The following FAM135A variants were observed in gnomAD, a reference collection of about 807,000 sequenced individuals.
FAM135A encodes family with sequence similarity 135 member A.
A neutral mutation model predicts 146.8 loss-of-function variants in FAM135A; 79 were observed. That is an observed-to-expected ratio of 0.54 (90% confidence interval 0.45 to 0.65). The LOEUF (loss-of-function observed/expected upper bound fraction) is 0.65. Among genes scored for constraint, FAM135A ranks in the 30% least tolerant of loss-of-function variants. The probability of loss-of-function intolerance (pLI) is 0.00; values close to 1 mark genes in which losing one functional copy is unlikely to be tolerated. For missense variants in FAM135A, 1,623 were observed against 1,758.2 expected (o/e 0.92, Z 1.38); for synonymous variants, 562 against 603.6 (o/e 0.93, Z 1.01).
chr6:70,511,831 G>C (rs924990237), intron 12 of FAM135A, among the ~76,000 whole-genome samples: 1 of 151,758 alleles, frequency 6.6e-6, no homozygotes, highest in Non-Finnish European at 1.5e-5. Flanking sequence ...TTACTCCTAC[G>C]CTACAAACCT....
At chr6:70,557,182 G>C in intron 21 of FAM135A, 1 of 408,446 alleles carries the variant, frequency 2.4e-6, no homozygotes, top group East Asian at 3.5e-5. Context: ...GCTGTACCTC[G>C]CTTTTACGCA....
At chr6:70,454,819 G>T (rs558495575) in intron 5 of FAM135A, among the ~76,000 whole-genome samples, 16 of 152,144 alleles carry the variant, frequency 1.1e-4, no homozygotes, top group African/African-American at 3.4e-4. Flanking sequence ...ACCATGCTGT[G>T]TTGGTTACTG....
At chr6:70,442,273 G>A (rs59698166) in intron 4 of FAM135A, among the ~76,000 whole-genome samples, 26,022 of 134,868 alleles carry the variant, frequency 0.19, 2,447 homozygotes, top group Middle Eastern at 0.28. Flanking sequence ...GATATATCCC[G>A]TGAGGAATAG....
chr6:70,541,021 A>G (rs1032849754), intron 20 of FAM135A, among the ~76,000 whole-genome samples: 1 of 152,310 alleles, frequency 6.6e-6, no homozygotes, highest in African/African-American at 2.4e-5. Context: ...CTTTCTACCT[A>G]CCAACATTAA....
intron 5 of FAM135A, among the ~76,000 whole-genome samples, chr6:70,452,970 G>C (rs1352743370): frequency 6.6e-6 from 1 of 151,680 alleles, no homozygotes; most frequent in Non-Finnish European, 1.5e-5. Flanking sequence ...TTTTTTTCTG[G>C]ATTAGGTTCT....
intron 5 of FAM135A, among the ~76,000 whole-genome samples, chr6:70,471,531 C>T (rs1358618060): frequency 6.6e-6 from 1 of 151,726 alleles, no homozygotes; most frequent in African/African-American, 2.4e-5. Flanking sequence ...TGAATACATC[C>T]GGGGGAATGA....
At chr6:70,499,695 T>C (rs1788064128) in intron 11 of FAM135A, among the ~76,000 whole-genome samples, 1 of 152,190 alleles carries the variant, frequency 6.6e-6, no homozygotes. Flanking sequence ...CCCTCAGCAT[T>C]TCCTTGTCTG....
chr6:70,422,503 G>A (rs946507174), intron 2 of FAM135A, among the ~76,000 whole-genome samples: 1 of 152,136 alleles, frequency 6.6e-6, no homozygotes, highest in African/African-American at 2.4e-5. Context: ...GTACATGTAT[G>A]TTTCTATTTA....
rs539954406 is a variant in FAM135A at position 70,475,544 on chromosome 6, A to C, written c.292A>C (p.Arg98=). 104 of 1,590,762 alleles carry C rather than the reference A, an allele frequency of 6.5e-5. 1 individual carries two copies. In the South Asian group the frequency reaches 1.1e-3, roughly 17 times the overall value. The part of the protein sequence containing the change: ...IFKVKMLLDE[R]KIEETLEEMN... ...CAAAGTAAAAATGCTATTGGATGAA[A>C]GAAAGGTAAACATCTCTTCATATTT... Residue 98 remains arginine, a synonymous_variant, in exon 6 of 22, where the codon AGA becomes CGA. Coordinates refer to ENST00000418814, the MANE Select transcript of FAM135A (RefSeq NM_001162529.3).
chr6:70,452,135 T>C (rs1777234252), intron 4 of FAM135A, among the ~76,000 whole-genome samples: 1 of 152,064 alleles, frequency 6.6e-6, no homozygotes, highest in South Asian at 2.1e-4. Context: ...AATTACATTA[T>C]AAGTAATTAT....
At chr6:70,524,229 C>T in intron 14 of FAM135A, 108 bp downstream of exon 14, 3 of 1,391,148 alleles carry the variant, frequency 2.2e-6, no homozygotes, top group Non-Finnish European at 2.9e-6. Context: ...TTTTCCCTCT[C>T]TAGTTTTATT....
At chr6:70,532,630 C>T (rs1796032107) in intron 16 of FAM135A, among the ~76,000 whole-genome samples, 1 of 152,116 alleles carries the variant, frequency 6.6e-6, no homozygotes, top group African/African-American at 2.4e-5. Flanking sequence ...GCCACCAAAA[C>T]CACCTAAGAA....
intron 14 of FAM135A, 33 bp downstream of exon 14, chr6:70,524,154 T>C (rs758069694): frequency 6.4e-7 from 1 of 1,562,130 alleles, no homozygotes; most frequent in East Asian, 2.3e-5. Flanking sequence ...ATACAAGCTA[T>C]GTGTATAGTT....
At chr6:70,539,931 G>A (rs1797547422) in intron 20 of FAM135A, among the ~76,000 whole-genome samples, 1 of 152,206 alleles carries the variant, frequency 6.6e-6, no homozygotes, top group African/African-American at 2.4e-5. Context: ...GGGAGGCGGA[G>A]CTTGCAGTGA....
chr6:70,486,236 A>G, intron 10 of FAM135A: 4 of 1,613,678 alleles, frequency 2.5e-6, no homozygotes, highest in Non-Finnish European at 3.4e-6. Context: ...CAGAAAGACA[A>G]CCATCTAGGT....
chr6:70,440,139 A>T (rs1411422916), intron 4 of FAM135A, among the ~76,000 whole-genome samples: 2 of 152,214 alleles, frequency 1.3e-5, no homozygotes, highest in African/African-American at 4.8e-5. Flanking sequence ...TCCAAAATTT[A>T]AAATTGATGG....
chr6:70,529,658 T>C (rs1316332570), intron 16 of FAM135A, among the ~76,000 whole-genome samples: 1 of 152,096 alleles, frequency 6.6e-6, no homozygotes, highest in Non-Finnish European at 1.5e-5. Flanking sequence ...GAGAAAAAGA[T>C]AGAAAGCAGC....
At chr6:70,446,489 G>C (rs112765673) in intron 4 of FAM135A, among the ~76,000 whole-genome samples, 1 of 152,094 alleles carries the variant, frequency 6.6e-6, no homozygotes, top group Non-Finnish European at 1.5e-5. Context: ...TCATTGTGCA[G>C]CACCTCTGCC....
intron 10 of FAM135A, 146 bp from the exon 11 acceptor site, chr6:70,490,888 A>T: frequency 4.4e-6 from 2 of 458,668 alleles, no homozygotes; most frequent in Non-Finnish European, 7.4e-6. Flanking sequence ...TGTAATTAAT[A>T]TGTTTATGAA....
Sources: gnomAD v4.1 joint callset for allele counts (sites outside exome capture counted in the v4.1 genomes callset) on GRCh38, gnomAD v4.1.1 for gene constraint, MANE v1.5 for transcripts, NCBI Gene and HGNC (gene_info 2026-07-23, HGNC 2026-07-21) for gene names.